The following CHRM3 variants were observed in gnomAD, a reference collection of about 807,000 sequenced individuals.
The protein encoded by CHRM3 is cholinergic receptor muscarinic 3, also known as muscarinic acetylcholine receptor M3.
In CHRM3, 11 loss-of-function variants were observed where a neutral mutation model predicts 41.8. The ratio of observed to expected loss-of-function variants is 0.26; its 90% CI spans 0.17 to 0.44. CHRM3 has a LOEUF of 0.44. Among genes scored for constraint, CHRM3 ranks in the 20% least tolerant of loss-of-function variants. The pLI is 1.00. For missense variants in CHRM3, 571 were observed against 745.4 expected, an observed-to-expected ratio of 0.77 and a Z score of 2.72; for synonymous variants, 297 against 301.4, an observed-to-expected ratio of 0.99 and a Z score of 0.15.
At chr1:239,532,017 T>TC (rs1233821817) in intron 2 of CHRM3, among the ~76,000 whole-genome samples, 2 of 120,596 alleles carry the variant, frequency 1.7e-5, no homozygotes, top group Non-Finnish European at 3.6e-5. Flanking sequence ...TTCTTTTTTT[T>TC]TTTTTTTTTT....
intron 5 of CHRM3, among the ~76,000 whole-genome samples, chr1:239,803,922 G>T (rs1162215370): frequency 1.3e-5 from 2 of 152,212 alleles, no homozygotes; most frequent in Non-Finnish European, 2.9e-5. Flanking sequence ...TAACTCTGCG[G>T]AGGTAGCCCT....
At position 239,908,197 on chromosome 1, in the gene CHRM3, T is replaced by C; in HGVS notation, c.746T>C (p.Ile249Thr). ...TATATGCCTGTCACCATTATGACTA[T>C]TTTATACTGGAGGATCTATAAGGAA... ...AFYMPVTIMTILYWRIYKETE... is the reference protein window; with the variant it reads ...AFYMPVTIMTTLYWRIYKETE... The change falls in exon 7 of 7, where the codon ATT (isoleucine) becomes ACT (threonine). Residue 249 changes from isoleucine to threonine, a missense_variant. Ile to Thr is a moderately conservative substitution (Grantham distance 89, BLOSUM62 -1). Around this residue, in one of 5 missense-constraint regions of CHRM3, gnomAD observed 153 missense variants for 296.3 expected, o/e 0.52. Transcript: ENST00000676153. This position sits in a 1 kb window ranked among gnomAD's most constrained non-coding sequence, Gnocchi z 7.2. 6.2e-7 allele frequency: 1 copy of C among 1,614,158 alleles called. No individual in the cohort carries two copies. The highest frequency in any genetic ancestry group is 1.1e-5 in the South Asian group (1 of 91,088).
rs532536266 is a variant in CHRM3, at chr1:239,619,172, C to T, written c.-312-13052C>T. ...TCGGGTGATCCACTGGCCTCAGCCT[C>T]CCAAAGTGCTAGGATTACAGATGTG... On this transcript the variant is annotated intron_variant, in intron 3 of 6. Coordinates refer to ENST00000676153, the MANE Select transcript of CHRM3 (RefSeq NM_001375978.1). Among the ~76,000 whole-genome samples, 6 of 152,136 alleles carry T rather than the reference C, an allele frequency of 3.9e-5. No homozygotes were observed. The East Asian group carries it at 1.2e-3, about 30-fold the overall frequency.
chr1:239,898,302 G>A (rs1679181912), intron 6 of CHRM3: 1 of 152,216 alleles, frequency 6.6e-6, no homozygotes, highest in African/African-American at 2.4e-5. Flanking sequence ...TGGCAGAGAG[G>A]TCGTTCTCCG....
At chr1:239,800,455 C>T (rs1021544493) in intron 5 of CHRM3, among the ~76,000 whole-genome samples, 5 of 152,194 alleles carry the variant, frequency 3.3e-5, no homozygotes, top group African/African-American at 1.2e-4. Flanking sequence ...TTTATTTAAT[C>T]AAAGCAGGTT....
chr1:239,727,931 G>T (rs1286269377), intron 5 of CHRM3: 5 of 151,896 alleles, frequency 3.3e-5, no homozygotes, highest in Admixed American at 1.3e-4. Context: ...GCTTTTCCAA[G>T]ATTACACTTG....
At chr1:239,696,853 A>G (rs986581223) in intron 5 of CHRM3, among the ~76,000 whole-genome samples, 21 of 152,228 alleles carry the variant, frequency 1.4e-4, no homozygotes, top group Non-Finnish European at 2.6e-4. Flanking sequence ...GCAGTCATCT[A>G]AATAAAATCC....
At chr1:239,543,922 G>T (rs896419914) in intron 2 of CHRM3, among the ~76,000 whole-genome samples, 1 of 152,166 alleles carries the variant, frequency 6.6e-6, no homozygotes. Flanking sequence ...AGCCAGAGAC[G>T]ATATGTAAAT....
Position 239,450,064 on chromosome 1 carries a change from G to A in CHRM3, c.-520-42645G>A, listed in dbSNP as rs530417953. On this transcript the variant is annotated intron_variant, in intron 1 of 6. Transcript: ENST00000676153. ...CCTTTGTCAAGAACACGTTTTGCAC[G>A]TTGTTGCCTTTGTCGATTACATGTT... Among the ~76,000 whole-genome samples, 6 of 152,272 alleles carry A rather than the reference G, an allele frequency of 3.9e-5. No homozygotes were observed. In the South Asian group the frequency reaches 1.2e-3, roughly 32 times the overall value.
At chr1:239,443,339 A>C (rs1419044928) in intron 1 of CHRM3, among the ~76,000 whole-genome samples, 1 of 152,186 alleles carries the variant, frequency 6.6e-6, no homozygotes, top group South Asian at 2.1e-4. Flanking sequence ...AGAATTTCCT[A>C]TTCAAGTTTC....
chr1:239,504,080 G>T (rs956374748), intron 2 of CHRM3, among the ~76,000 whole-genome samples: 17 of 152,082 alleles, frequency 1.1e-4, no homozygotes, highest in African/African-American at 4.1e-4. Context: ...AAACTAAAGA[G>T]CTTTTGCACA....
chr1:239,491,430 A>G (rs1315856819), intron 1 of CHRM3, among the ~76,000 whole-genome samples: 1 of 152,216 alleles, frequency 6.6e-6, no homozygotes, highest in African/African-American at 2.4e-5. Flanking sequence ...CATATGAATG[A>G]CAGCATGTGG....
chr1:239,403,382 A>C (rs2102990324), intron 1 of CHRM3, among the ~76,000 whole-genome samples: 1 of 152,342 alleles, frequency 6.6e-6, no homozygotes, highest in Non-Finnish European at 1.5e-5. Flanking sequence ...GGAGAAAAAG[A>C]AACATGAGTT....
chr1:239,478,086 C>T (rs1013028899), intron 1 of CHRM3, among the ~76,000 whole-genome samples: 1 of 152,174 alleles, frequency 6.6e-6, no homozygotes, highest in Non-Finnish European at 1.5e-5. Flanking sequence ...AGATCTCCCA[C>T]AATGTGGAAA....
At chr1:239,599,434 T>G (rs1296088102) in intron 3 of CHRM3, among the ~76,000 whole-genome samples, 8 of 151,934 alleles carry the variant, frequency 5.3e-5, no homozygotes, top group Admixed American at 2.0e-4. Context: ...TACTGTTTTT[T>G]TTTTTTTTTT....
chr1:239,445,006 T>C (rs531159306), intron 1 of CHRM3, among the ~76,000 whole-genome samples: 4 of 152,324 alleles, frequency 2.6e-5, no homozygotes, highest in African/African-American at 9.6e-5. Context: ...GGTTTCCTTG[T>C]GTGCAGTGGG....
chr1:239,529,351 C>T (rs1670209450), intron 2 of CHRM3, among the ~76,000 whole-genome samples: 2 of 152,250 alleles, frequency 1.3e-5, no homozygotes, highest in East Asian at 1.9e-4. Flanking sequence ...TGGCTCACGC[C>T]TGTAATCCCA....
At chr1:239,813,844 G>A (rs997690551) in intron 5 of CHRM3, among the ~76,000 whole-genome samples, 8 of 139,226 alleles carry the variant, frequency 5.7e-5, no homozygotes, top group African/African-American at 2.4e-4. Flanking sequence ...GTGAACCCGG[G>A]AGGCGGAGCT....
chr1:239,491,575 C>A (rs1364254228), intron 1 of CHRM3, among the ~76,000 whole-genome samples: 1 of 152,182 alleles, frequency 6.6e-6, no homozygotes, highest in Non-Finnish European at 1.5e-5. Flanking sequence ...TTTCTGTAGC[C>A]CTTCACGCAC....
Sources: allele counts gnomAD v4.1 joint callset (sites outside exome capture counted in the v4.1 genomes callset), GRCh38; gene constraint gnomAD v4.1.1; regional missense constraint gnomAD v4.1.1; non-coding constraint Gnocchi (gnomAD v3.1); transcripts MANE v1.5; gene names NCBI Gene and HGNC (gene_info 2026-07-23, HGNC 2026-07-21).